Variants in TRAF7 observed in about 807,000 individuals in gnomAD.
TRAF7 encodes the protein E3 ubiquitin-protein ligase TRAF7.
A neutral mutation model predicts 89.3 loss-of-function variants in TRAF7; 45 were observed. The observed-to-expected ratio is 0.50, with a 90% CI of 0.40 to 0.65. The LOEUF is 0.65. TRAF7 is among the 30% of genes least tolerant of loss of function. The pLI, the probability that TRAF7 is intolerant of heterozygous loss-of-function variation, is 0.00. For missense variants in TRAF7, 677 were observed against 918.1 expected, an observed-to-expected ratio of 0.74 and a Z score of 3.39; for synonymous variants, 406 against 369.2, an observed-to-expected ratio of 1.10 and a Z score of -1.14.
Position 2,163,089 on chromosome 16 carries a change from C to A in TRAF7, c.-38-794C>A, listed in dbSNP as rs116335254. 1.6e-4 allele frequency among the ~76,000 whole-genome samples: 24 copies of A among 152,126 alleles called. No homozygotes were observed. Among genetic ancestry groups the A allele is most frequent in the African/African-American group, 5.3e-4 (22 of 41,410 alleles). On this transcript the variant is annotated intron_variant, in intron 1 of 20. Coordinates refer to ENST00000326181, the MANE Select transcript of TRAF7 (RefSeq NM_032271.3). The surrounding 1 kb of genome is among the most constrained non-coding windows in gnomAD (Gnocchi z 4.3). ...ATGTTTACCTTCCCCTACTGGTGTCCCTGGGCCTGGCCAGCACTCCCAGCA... is the reference window on the plus strand; with the variant it reads ...ATGTTTACCTTCCCCTACTGGTGTCACTGGGCCTGGCCAGCACTCCCAGCA...
chr16:2,164,087 CGCAG>C, intron 2 of TRAF7, 86 bp downstream of exon 2: 1 of 1,298,752 alleles, frequency 7.7e-7, no homozygotes, highest in Non-Finnish European at 1.1e-6. Flanking sequence ...GAGCTCCCAG[CGCAG>C]TCCCGTCCCG....
At position 2,168,180 on chromosome 16, in the gene TRAF7, C is replaced by A. The variant is rs778488791; in HGVS notation, c.231+12C>A. 3.8e-6 allele frequency: 6 copies of A among 1,599,252 alleles called. No homozygotes were observed. In the Middle Eastern group the frequency reaches 6.8e-4, roughly 182 times the overall value. On this transcript the variant is annotated intron_variant, in intron 4 of 20. Transcript: ENST00000326181. The surrounding 1 kb of genome is among the most constrained non-coding windows in gnomAD (Gnocchi z 4.1). ...AGGAGGACAGCATGGTAGGTCCCTA[C>A]CCCCAGGAGCCCGTGTGAGCCTCAG...
chr16:2,165,857 G>T lies in TRAF7; in HGVS notation c.82-22G>T, dbSNP rs13334069. The T allele has an allele frequency of 1.4e-4, 221 of 1,613,980 alleles. No individual in the cohort carries two copies. In the African/African-American group the frequency reaches 2.5e-3, roughly 18 times the overall value. On this transcript the variant is annotated intron_variant, in intron 2 of 20. Transcript: ENST00000326181. ...TCCTTGTGTCCCGGAATGAGGCCAG[G>T]TCTCCTCCGTCCTCCCTCTAGACCA...
At chr16:2,157,873 C>T (rs145466450) in intron 1 of TRAF7, among the ~76,000 whole-genome samples, 50 of 152,340 alleles carry the variant, frequency 3.3e-4, no homozygotes, top group Non-Finnish European at 6.5e-4. Context: ...CCGGCCTCTC[C>T]GCCTTCCTCA....
chr16:2,172,077 G>T, intron 7 of TRAF7, 114 bp from the exon 8 acceptor site: 3 of 1,289,182 alleles, frequency 2.3e-6, no homozygotes, highest in Non-Finnish European at 3.3e-6. Context: ...CCCATGTTGC[G>T]TGCCTCAGAG....
chr16:2,159,045 T>G lies in TRAF7; in HGVS notation c.-39+3187T>G, dbSNP rs2093047345. Among the ~76,000 whole-genome samples the G allele has an allele frequency of 6.6e-6, 1 of 152,126 alleles. No homozygotes were observed. Among genetic ancestry groups the G allele is most frequent in the Admixed American group, 6.5e-5 (1 of 15,270 alleles). ...TACAGGGGAAAAAAGGACTGAGAGA[T>G]GTTGCCAGCCCCCAAGGGGTCGGAG... On this transcript the variant is annotated intron_variant, in intron 1 of 20. Coordinates refer to ENST00000326181, the MANE Select transcript of TRAF7 (RefSeq NM_032271.3). The surrounding 1 kb of genome is among the most constrained non-coding windows in gnomAD (Gnocchi z 6.5).
In TRAF7 at chr16:2,172,500, G is replaced by A. The variant is rs776414915; in HGVS notation, c.695G>A (p.Arg232Gln). 2.1e-5 allele frequency: 33 copies of A among 1,606,976 alleles called. No homozygotes were observed. The Admixed American group carries it at 2.2e-4, about 11-fold the overall frequency. Residue 232 changes from arginine (R) to glutamine (Q), a missense_variant, in exon 9 of 21, where the codon CGG becomes CAG. Arg to Gln is a conservative substitution (Grantham distance 43). This residue lies in a region of TRAF7 where 238 missense variants were observed against 352.6 expected (regional missense o/e 0.67). Transcript: ENST00000326181. ...GGCAGCTGTGACTACAGGCCTGTGCGGTGTCCCAACAACCCCAGCTGCCCC... is the reference window on the plus strand; with the variant it reads ...GGCAGCTGTGACTACAGGCCTGTGCAGTGTCCCAACAACCCCAGCTGCCCC... ...HEGSCDYRPV[R>Q]CPNNPSCPPL... is the part of the protein sequence containing the mutation.
chr16:2,157,019 G>A (rs776634974), intron 1 of TRAF7, among the ~76,000 whole-genome samples: 2 of 152,124 alleles, frequency 1.3e-5, no homozygotes, highest in African/African-American at 4.8e-5. Context: ...GCTCTTGGGG[G>A]TGAGGGGCTG....
rs2093096296 is a variant in TRAF7 at position 2,168,608 on chromosome 16, C to G, written c.231+440C>G. 6.0e-6 allele frequency: 1 copy of G among 165,324 alleles called. No individual in the cohort carries two copies. Among genetic ancestry groups the G allele is most frequent in the African/African-American group, 2.4e-5 (1 of 41,484 alleles). 10.2% of individuals were successfully genotyped at this position (165,324 alleles called of 1,614,324 possible). ...GAGGCGGGGGGAAAGGTGTGTGGACCTAAGCTGTGGGGACACCAGAGGCAA... is the reference window on the plus strand; with the variant it reads ...GAGGCGGGGGGAAAGGTGTGTGGACGTAAGCTGTGGGGACACCAGAGGCAA... On this transcript the variant is annotated intron_variant, in intron 4 of 20. Coordinates refer to ENST00000326181, the MANE Select transcript of TRAF7 (RefSeq NM_032271.3). The surrounding 1 kb of genome is among the most constrained non-coding windows in gnomAD (Gnocchi z 4.1).
At chr16:2,173,736 G>A in intron 11 of TRAF7, 52 bp from the exon 12 acceptor site, 2 of 1,604,402 alleles carry the variant, frequency 1.2e-6, no homozygotes, top group Admixed American at 1.7e-5. Context: ...GGCTGCACTG[G>A]CCCCACAGCA....
chr16:2,176,474 G>T, intron 20 of TRAF7, 86 bp from the exon 21 acceptor site: 1 of 1,613,080 alleles, frequency 6.2e-7, no homozygotes, highest in Non-Finnish European at 8.5e-7. Flanking sequence ...GCACAAAGTG[G>T]TGGAGGGCAG....
rs191696452 is a variant in TRAF7, at chr16:2,163,489, C to T, written c.-38-394C>T. On this transcript the variant is annotated intron_variant, in intron 1 of 20. Transcript: ENST00000326181. This position sits in a 1 kb window ranked among gnomAD's most constrained non-coding sequence, Gnocchi z 4.3. ...CTGCGTCCCGCCACGTGGGCCACAC[C>T]CTGGGCCTACCCACCAAGGCCCAGC... The T allele has an allele frequency of 2.2e-3, 513 of 230,232 alleles. No individual in the cohort carries two copies. The highest frequency in any genetic ancestry group is 3.9e-3 in the Non-Finnish European group (444 of 113,278). 14.3% of individuals were successfully genotyped at this position (230,232 alleles called of 1,614,324 possible).
In TRAF7 at chr16:2,162,298, G is replaced by A. The variant is rs2093061193; in HGVS notation, c.-38-1585G>A. ...GACAGCCCAGGAGCTCAGGTGCAGGGAACCAAGGGCTTGAGAGCCAGCCCC... is the reference window on the plus strand; with the variant it reads ...GACAGCCCAGGAGCTCAGGTGCAGGAAACCAAGGGCTTGAGAGCCAGCCCC... On this transcript the variant is annotated intron_variant, in intron 1 of 20. Transcript: ENST00000326181. The surrounding 1 kb of genome is among the most constrained non-coding windows in gnomAD (Gnocchi z 5.0). Among the ~76,000 whole-genome samples, 1 of 152,170 alleles carries A rather than the reference G, an allele frequency of 6.6e-6. No homozygotes were observed. The highest frequency in any genetic ancestry group is 6.5e-5 in the Admixed American group (1 of 15,292).
At position 2,168,195 on chromosome 16, in the gene TRAF7, G is replaced by T; in HGVS notation, c.231+27G>T. The T allele has an allele frequency of 6.3e-7, 1 of 1,581,718 alleles. No homozygotes were observed. On this transcript the variant is annotated intron_variant, in intron 4 of 20. Coordinates refer to ENST00000326181, the MANE Select transcript of TRAF7 (RefSeq NM_032271.3). This position sits in a 1 kb window ranked among gnomAD's most constrained non-coding sequence, Gnocchi z 4.1. ...TAGGTCCCTACCCCCAGGAGCCCGT[G>T]TGAGCCTCAGCCTCCCCCCATCCTC...
Position 2,168,010 on chromosome 16 carries a change from T to G in TRAF7, c.140-67T>G. ...GACCCACAGGGTCGGGTATCCAGCA[T>G]GGGCCCCACCTCCCCCACATCTGCT... On this transcript the variant is annotated intron_variant, in intron 3 of 20. Transcript: ENST00000326181. This position sits in a 1 kb window ranked among gnomAD's most constrained non-coding sequence, Gnocchi z 4.1. 1 of 1,489,236 alleles carries G rather than the reference T, an allele frequency of 6.7e-7. No individual in the cohort carries two copies. Among genetic ancestry groups the G allele is most frequent in the Non-Finnish European group, 9.2e-7 (1 of 1,081,602 alleles). The allele number at this position is 1,489,236 out of a possible 1,614,324, so 92.3% of individuals were successfully genotyped here. A position where few individuals can be genotyped will look rare whatever the true frequency, so the allele number is the denominator to read the frequency against.
At chr16:2,156,534 A>G (rs1023312515) in intron 1 of TRAF7, among the ~76,000 whole-genome samples, 1 of 152,054 alleles carries the variant, frequency 6.6e-6, no homozygotes, top group Admixed American at 6.6e-5. Flanking sequence ...GGCCGGGGGT[A>G]GGGGCGGCGC....
chr16:2,170,134 G>C (rs899618976), intron 4 of TRAF7, among the ~76,000 whole-genome samples: 2 of 152,150 alleles, frequency 1.3e-5, no homozygotes, highest in African/African-American at 4.8e-5. Flanking sequence ...AGCTGGGCCT[G>C]GTGTCCCCCA....
chr16:2,171,228 C>T, intron 5 of TRAF7, 36 bp from the exon 6 acceptor site: 1 of 1,517,976 alleles, frequency 6.6e-7, no homozygotes, highest in Non-Finnish European at 8.9e-7. Flanking sequence ...TGAGGGTGGC[C>T]TCCCGCCATC....
Position 2,175,374 on chromosome 16 carries a change from C to T in TRAF7, c.1460C>T (p.Ser487Phe). 1 of 1,613,634 alleles carries T rather than the reference C, an allele frequency of 6.2e-7. No homozygotes were observed. Among genetic ancestry groups the T allele is most frequent in the Non-Finnish European group, 8.5e-7 (1 of 1,180,002 alleles). ...GACAACCCGGTGTGCACGCTGGTCTCCTCACACAACGTGCTCTTCAGCGGC... is the reference window on the plus strand; with the variant it reads ...GACAACCCGGTGTGCACGCTGGTCTTCTCACACAACGTGCTCTTCAGCGGC... The part of the protein sequence containing the change: ...AHDNPVCTLV[S>F]SHNVLFSGSL... Residue 487 changes from serine to phenylalanine, a missense_variant, in exon 16 of 21, where the codon TCC becomes TTC. By Grantham distance (155) the Ser-to-Phe change is radical. This residue lies in a region of TRAF7 where 160 missense variants were observed against 263.7 expected (regional missense o/e 0.61). Coordinates refer to ENST00000326181, the MANE Select transcript of TRAF7 (RefSeq NM_032271.3).
Sources: allele counts gnomAD v4.1 joint callset (sites outside exome capture counted in the v4.1 genomes callset), GRCh38; gene constraint gnomAD v4.1.1; regional missense constraint gnomAD v4.1.1; non-coding constraint Gnocchi (gnomAD v3.1); transcripts MANE v1.5; gene names NCBI Gene and HGNC (gene_info 2026-07-23, HGNC 2026-07-21).